Variants in CFH observed in about 807,000 individuals in gnomAD.
CFH encodes the protein complement factor H.
Under a neutral mutation model 147.3 loss-of-function variants are expected in CFH, and 53 were observed. That is an observed-to-expected ratio of 0.36 (90% CI 0.29 to 0.45). The LOEUF (loss-of-function observed/expected upper bound fraction) is 0.45. CFH is among the 20% of genes least tolerant of loss of function. The pLI is 1.00. For missense variants in CFH, 1,380 were observed against 1,498.0 expected, an observed-to-expected ratio of 0.92 and a Z score of 1.30; for synonymous variants, 536 against 489.4, an observed-to-expected ratio of 1.10 and a Z score of -1.26.
chr1:196,684,421 A>T (rs538346097), intron 6 of CFH, among the ~76,000 whole-genome samples: 1 of 152,014 alleles, frequency 6.6e-6, no homozygotes, highest in Admixed American at 6.6e-5. Flanking sequence ...GTTTATTTTC[A>T]TTCATGTTCA....
At chr1:196,694,309 T>C (rs1173201406) in intron 9 of CFH, among the ~76,000 whole-genome samples, 2 of 152,198 alleles carry the variant, frequency 1.3e-5, no homozygotes, top group Non-Finnish European at 2.9e-5. Flanking sequence ...TCCAGCTTCG[T>C]CCATGTCCCT....
chr1:196,747,342 C>G lies in CFH; in HGVS notation c.*29C>G, dbSNP rs371680052. The G allele has an allele frequency of 4.5e-5, 73 of 1,613,368 alleles. No homozygotes were observed. In the African/African-American group the frequency reaches 9.3e-4, roughly 21 times the overall value. On this transcript the variant is annotated 3_prime_UTR_variant, in exon 22 of 22. Transcript: ENST00000367429. ...CAATCATAAAGTGCACACCTTTATTCAGAACTTTAGTATTAAATCAGTTCT... is the reference window on the plus strand; with the variant it reads ...CAATCATAAAGTGCACACCTTTATTGAGAACTTTAGTATTAAATCAGTTCT...
At chr1:196,704,863 A>T (rs1831282) in intron 9 of CFH, among the ~76,000 whole-genome samples, 1 of 152,018 alleles carries the variant, frequency 6.6e-6, no homozygotes, top group Non-Finnish European at 1.5e-5. Flanking sequence ...TCTGGTGATA[A>T]CTGATGCTTA....
Position 196,747,104 on chromosome 1 carries a change from T to C in CFH, c.3494-7T>C. On this transcript the variant is annotated splice_region_variant and splice_polypyrimidine_tract_variant and intron_variant, in intron 21 of 21. Transcript: ENST00000367429. Reference sequence around the variant, plus strand: ...AATGTTTTATGTTTACTGTTTTTTATTTTCAGATCCGTGTGTAATATCCCG... The same window carrying C: ...AATGTTTTATGTTTACTGTTTTTTACTTTCAGATCCGTGTGTAATATCCCG... 3 of 1,613,840 alleles carry C rather than the reference T, an allele frequency of 1.9e-6. No homozygotes were observed. Among genetic ancestry groups the C allele is most frequent in the Non-Finnish European group, 2.5e-6 (3 of 1,179,806 alleles).
Position 196,692,386 on chromosome 1 carries a change from G to T in CFH, c.1336+2147G>T, listed in dbSNP as rs149387455. On this transcript the variant is annotated intron_variant, in intron 9 of 21. Coordinates refer to ENST00000367429, the MANE Select transcript of CFH (RefSeq NM_000186.4). ...TTTTTTTCTTCACAGATTAATTGAG[G>T]CTAATAATATGCCTTGATTAGATAT... The T allele has an allele frequency of 7.3e-4, 608 of 838,410 alleles. 6 individuals are homozygous for T. The highest frequency in any genetic ancestry group is 7.2e-3 in the Middle Eastern group (12 of 1,674). The allele number at this position is 838,410 out of a possible 1,614,324, so 51.9% of individuals were successfully genotyped here.
At position 196,747,319 on chromosome 1, in the gene CFH, A is replaced by G. The variant is rs1653051075; in HGVS notation, c.*6A>G. Reference sequence around the variant, plus strand: ...CAACTTGTGCAAAAAGATAGAATCAATCATAAAGTGCACACCTTTATTCAG... The same window carrying G: ...CAACTTGTGCAAAAAGATAGAATCAGTCATAAAGTGCACACCTTTATTCAG... On this transcript the variant is annotated 3_prime_UTR_variant, in exon 22 of 22. Transcript: ENST00000367429. The G allele has an allele frequency of 3.1e-6, 5 of 1,614,008 alleles. No individual in the cohort carries two copies. The African/African-American group carries it at 4.0e-5, about 13-fold the overall frequency.
chr1:196,686,847 G>A (rs1667845900), intron 7 of CFH, among the ~76,000 whole-genome samples: 1 of 152,096 alleles, frequency 6.6e-6, no homozygotes, highest in Non-Finnish European at 1.5e-5. Flanking sequence ...AGGAGTTGAT[G>A]AGTTATATGG....
chr1:196,665,223 C>T (rs2149072305), intron 1 of CFH, among the ~76,000 whole-genome samples: 1 of 151,544 alleles, frequency 6.6e-6, no homozygotes, highest in South Asian at 2.1e-4. Flanking sequence ...TAAATTTTCT[C>T]CACATTTTGT....
At chr1:196,698,896 C>T (rs1668368080) in intron 9 of CFH, among the ~76,000 whole-genome samples, 1 of 152,138 alleles carries the variant, frequency 6.6e-6, no homozygotes, top group African/African-American at 2.4e-5. Flanking sequence ...TCGCCATTAT[C>T]TCTGTGATGC....
chr1:196,695,072 C>T (rs1042411664), intron 9 of CFH, among the ~76,000 whole-genome samples: 1 of 152,178 alleles, frequency 6.6e-6, no homozygotes, highest in African/African-American at 2.4e-5. Context: ...GTCATGAAGT[C>T]TTTGCCCATG....
At chr1:196,712,200 T>A (rs1175510647) in intron 9 of CFH, among the ~76,000 whole-genome samples, 1 of 152,092 alleles carries the variant, frequency 6.6e-6, no homozygotes, top group Non-Finnish European at 1.5e-5. Flanking sequence ...TTCCATTTCC[T>A]TATTTGTGGC....
chr1:196,690,515 T>C (rs571426943), intron 9 of CFH: 68 of 467,300 alleles, frequency 1.5e-4, no homozygotes, highest in Middle Eastern at 1.3e-3. Flanking sequence ...TGAAGTCGTA[T>C]TGAAGCGGCA....
intron 9 of CFH, among the ~76,000 whole-genome samples, chr1:196,709,712 C>T (rs1668679509): frequency 6.6e-6 from 1 of 151,996 alleles, no homozygotes; most frequent in South Asian, 2.1e-4. Flanking sequence ...CATTTTGGTC[C>T]TTTTCCTTTC....
intron 10 of CFH, among the ~76,000 whole-genome samples, chr1:196,714,678 G>GAA (rs1668820245): frequency 2.4e-5 from 1 of 42,024 alleles, no homozygotes; most frequent in African/African-American, 7.6e-5. Flanking sequence ...TAGAGAGAGA[G>GAA]AGAGAGAGAG....
chr1:196,683,782 C>T (rs982659654), intron 6 of CFH, among the ~76,000 whole-genome samples: 2 of 151,802 alleles, frequency 1.3e-5, no homozygotes, highest in Non-Finnish European at 2.9e-5. Context: ...ATAGGAAACT[C>T]ACTACTGCTG....
chr1:196,672,667 C>T (rs113380680), intron 1 of CFH, among the ~76,000 whole-genome samples: 4 of 152,272 alleles, frequency 2.6e-5, no homozygotes, highest in African/African-American at 7.2e-5. Context: ...TAGTAGAATG[C>T]TCTCCAGCAA....
chr1:196,745,536 T>G (rs1236605293), intron 20 of CFH, among the ~76,000 whole-genome samples: 3 of 152,338 alleles, frequency 2.0e-5, no homozygotes, highest in African/African-American at 7.2e-5. Context: ...TAGTTTTCTA[T>G]GTTTAGCATG....
chr1:196,740,856 C>T, intron 18 of CFH, 64 bp downstream of exon 18: 3 of 1,506,242 alleles, frequency 2.0e-6, no homozygotes, highest in Middle Eastern at 1.8e-4. Context: ...GTAAGTGGTA[C>T]CAATAAGAAA....
chr1:196,721,249 G>C (rs183613754), intron 11 of CFH, among the ~76,000 whole-genome samples: 1 of 151,544 alleles, frequency 6.6e-6, no homozygotes, highest in African/African-American at 2.4e-5. Flanking sequence ...TCCATTCTGA[G>C]GTTGTCTGTT....
Sources: gnomAD v4.1 joint callset for allele counts (sites outside exome capture counted in the v4.1 genomes callset) on GRCh38, gnomAD v4.1.1 for gene constraint, MANE v1.5 for transcripts, NCBI Gene and HGNC (gene_info 2026-07-23, HGNC 2026-07-21) for gene names.